CACNA2D2: variants seen among roughly 807,000 people sequenced by gnomAD.
CACNA2D2 encodes the protein voltage-dependent calcium channel subunit alpha-2/delta-2.
A neutral mutation model predicts 166.4 loss-of-function variants in CACNA2D2; 48 were observed. That is an observed-to-expected ratio of 0.29 (90% CI 0.23 to 0.37). The LOEUF is 0.37. Among genes scored for constraint, CACNA2D2 ranks in the 10% least tolerant of loss-of-function variants. The pLI is 1.00. For missense variants in CACNA2D2, 1,122 were observed against 1,433.0 expected (o/e 0.78, Z 3.50); for synonymous variants, 561 against 573.7 (o/e 0.98, Z 0.32).
chr3:50,497,028 C>T (rs1245829784), intron 1 of CACNA2D2, among the ~76,000 whole-genome samples: 1 of 152,146 alleles, frequency 6.6e-6, no homozygotes, highest in Non-Finnish European at 1.5e-5. Context: ...TTCCCATGCC[C>T]CTCCCCCTCT....
chr3:50,450,642 T>C (rs1173188869), intron 2 of CACNA2D2, among the ~76,000 whole-genome samples: 1 of 152,174 alleles, frequency 6.6e-6, no homozygotes, highest in African/African-American at 2.4e-5. Flanking sequence ...CAATCTTCTT[T>C]TATTTTTCCA....
chr3:50,368,122 C>A lies in CACNA2D2; in HGVS notation c.2143+16G>T, dbSNP rs1269352720. 3.8e-6 allele frequency: 6 copies of A among 1,584,556 alleles called. No individual in the cohort carries two copies. The highest frequency in any genetic ancestry group is 5.2e-6 in the Non-Finnish European group (6 of 1,153,404). On this transcript the variant is annotated intron_variant, in intron 24 of 37. Coordinates refer to ENST00000424201, the MANE Select transcript of CACNA2D2 (RefSeq NM_006030.4). ...CTGGGCACTGCCCAGAGCCAGCTGCCCTGCCAGGCACTCACACTGCTTGGA... is the reference window on the plus strand; with the variant it reads ...CTGGGCACTGCCCAGAGCCAGCTGCACTGCCAGGCACTCACACTGCTTGGA...
chr3:50,494,144 C>T (rs1698630913), intron 1 of CACNA2D2, among the ~76,000 whole-genome samples: 1 of 152,170 alleles, frequency 6.6e-6, no homozygotes, highest in Non-Finnish European at 1.5e-5. Context: ...ACACACCCAC[C>T]ACGGACTCAG....
At position 50,444,417 on chromosome 3, in the gene CACNA2D2, C is replaced by T. The variant is rs550083818; in HGVS notation, c.289-9988G>A. Among the ~76,000 whole-genome samples the T allele has an allele frequency of 5.3e-5, 8 of 152,344 alleles. 2 individuals are homozygous for T. The highest frequency in any genetic ancestry group is 1.9e-4 in the African/African-American group (8 of 41,582). On this transcript the variant is annotated intron_variant, in intron 2 of 37. Coordinates refer to ENST00000424201, the MANE Select transcript of CACNA2D2 (RefSeq NM_006030.4). Reference sequence around the variant, plus strand: ...CCTTAAGCAGCCTTGTGGTTTGGCTCGAGCCTTCACCCTCACAGTCTGCAC... The same window carrying T: ...CCTTAAGCAGCCTTGTGGTTTGGCTTGAGCCTTCACCCTCACAGTCTGCAC...
At chr3:50,475,635 AC>A (rs1179528266) in intron 2 of CACNA2D2, among the ~76,000 whole-genome samples, 2 of 151,858 alleles carry the variant, frequency 1.3e-5, no homozygotes, top group African/African-American at 2.4e-5. Context: ...CTAATCAATC[AC>A]CCCTCCCACA....
At chr3:50,431,362 G>GT (rs1708053553) in intron 3 of CACNA2D2, among the ~76,000 whole-genome samples, 1 of 152,202 alleles carries the variant, frequency 6.6e-6, no homozygotes, top group Admixed American at 6.5e-5. Flanking sequence ...AGCATCTCGT[G>GT]TGTCTACAGC....
rs778207640 is a variant in CACNA2D2, at chr3:50,387,577, G to A, written c.501C>T (p.Asp167=). 3.9e-5 allele frequency: 63 copies of A among 1,613,750 alleles called. No homozygotes were observed. The highest frequency in any genetic ancestry group is 8.8e-5 in the South Asian group (8 of 91,080). Reference sequence around the variant, plus strand: ...AGGAGGGGGTGCTCACCAGCTCAGCGTCAGCCTTGGCGTCATAGTACACGA... The same window carrying A: ...AGGAGGGGGTGCTCACCAGCTCAGCATCAGCCTTGGCGTCATAGTACACGA... ...EDIVYYDAKA[D]AELDDPESED... is the part of the protein sequence containing the mutation. The change falls in exon 5 of 38, where the codon GAC becomes GAT. Residue 167 remains aspartate, a synonymous_variant. Transcript: ENST00000424201.
At chr3:50,377,245 G>A (rs587712532) in intron 17 of CACNA2D2, among the ~76,000 whole-genome samples, 1 of 152,154 alleles carries the variant, frequency 6.6e-6, no homozygotes, top group Non-Finnish European at 1.5e-5. Context: ...TGGGTATGTA[G>A]GTCTGCAAAG....
At chr3:50,416,098 T>C (rs1707252240) in intron 3 of CACNA2D2, 1 of 152,290 alleles carries the variant, frequency 6.6e-6, no homozygotes, top group Non-Finnish European at 1.5e-5. Flanking sequence ...CCAGATTTTC[T>C]TGAGGTCATG....
At chr3:50,470,218 G>A (rs1021709484) in intron 2 of CACNA2D2, among the ~76,000 whole-genome samples, 3 of 152,234 alleles carry the variant, frequency 2.0e-5, no homozygotes, top group African/African-American at 7.2e-5. Context: ...TGTCTAGGCT[G>A]TTCTGATACA....
chr3:50,384,436 G>A, intron 5 of CACNA2D2, 99 bp from the exon 6 acceptor site: 1 of 1,333,036 alleles, frequency 7.5e-7, no homozygotes, highest in Middle Eastern at 2.3e-4. Flanking sequence ...GAGTCCAGGA[G>A]ATAGGGGCAT....
intron 3 of CACNA2D2, among the ~76,000 whole-genome samples, 161 bp downstream of exon 3, chr3:50,434,152 A>T (rs1000697337): frequency 2.6e-5 from 4 of 152,148 alleles, no homozygotes; most frequent in Non-Finnish European, 1.5e-5. Context: ...TTCCTGCCGC[A>T]GCTGCCCACA....
intron 2 of CACNA2D2, among the ~76,000 whole-genome samples, chr3:50,445,722 C>G (rs767309750): frequency 1.3e-5 from 2 of 152,198 alleles, no homozygotes; most frequent in Non-Finnish European, 2.9e-5. Flanking sequence ...CAAGGGAACT[C>G]AGCTTCTCCC....
At chr3:50,416,955 TGTGC>T (rs1345217042) in intron 3 of CACNA2D2, among the ~76,000 whole-genome samples, 3 of 152,182 alleles carry the variant, frequency 2.0e-5, no homozygotes, top group Admixed American at 2.0e-4. Context: ...TTCACGTGTG[TGTGC>T]ATGTCCACTG....
At position 50,367,244 on chromosome 3, in the gene CACNA2D2, G is replaced by T; in HGVS notation, c.2402-135C>A. ...CACCCAGCACTCAGGACAGTGTTTGGCACAGTCTATCCCTCTTTTCACGTC... is the reference window on the plus strand; with the variant it reads ...CACCCAGCACTCAGGACAGTGTTTGTCACAGTCTATCCCTCTTTTCACGTC... On this transcript the variant is annotated intron_variant, in intron 27 of 37. Coordinates refer to ENST00000424201, the MANE Select transcript of CACNA2D2 (RefSeq NM_006030.4). This position sits in a 1 kb window ranked among gnomAD's most constrained non-coding sequence, Gnocchi z 6.5. The T allele has an allele frequency of 1.0e-6, 1 of 984,004 alleles. No homozygotes were observed. Among genetic ancestry groups the T allele is most frequent in the Non-Finnish European group, 1.6e-6 (1 of 635,852 alleles). The allele number at this position is 984,004 out of a possible 1,614,324, so 61.0% of individuals were successfully genotyped here.
chr3:50,408,741 G>A (rs1706843365), intron 3 of CACNA2D2, among the ~76,000 whole-genome samples: 1 of 152,106 alleles, frequency 6.6e-6, no homozygotes. Context: ...AGGCGGCCTT[G>A]CTCCTGCCTG....
In CACNA2D2 at chr3:50,365,200, A is replaced by G; in HGVS notation, c.3099-16T>C. On this transcript the variant is annotated splice_polypyrimidine_tract_variant and intron_variant, in intron 35 of 37. Coordinates refer to ENST00000424201, the MANE Select transcript of CACNA2D2 (RefSeq NM_006030.4). This position sits in a 1 kb window ranked among gnomAD's most constrained non-coding sequence, Gnocchi z 4.5. ...GTGGAACAGCCTGCGGGCAGCCCGG[A>G]AAGGCGGGGCGTTGAGTTTGCCCCG... 1.9e-6 allele frequency: 3 copies of G among 1,611,158 alleles called. No homozygotes were observed. The highest frequency in any genetic ancestry group is 2.5e-6 in the Non-Finnish European group (3 of 1,179,212).
intron 3 of CACNA2D2, among the ~76,000 whole-genome samples, chr3:50,412,024 A>G (rs1707043684): frequency 6.6e-6 from 1 of 152,124 alleles, no homozygotes; most frequent in African/African-American, 2.4e-5. Flanking sequence ...TGGTTAGAAC[A>G]CAAAACACTG....
chr3:50,418,031 C>T (rs1465267131), intron 3 of CACNA2D2, among the ~76,000 whole-genome samples: 4 of 152,020 alleles, frequency 2.6e-5, no homozygotes, highest in African/African-American at 7.3e-5. Flanking sequence ...TAATGGGCCC[C>T]GCGAAGGGGC....
Sources: allele counts gnomAD v4.1 joint callset (sites outside exome capture counted in the v4.1 genomes callset), GRCh38; gene constraint gnomAD v4.1.1; non-coding constraint Gnocchi (gnomAD v3.1); transcripts MANE v1.5; gene names NCBI Gene and HGNC (gene_info 2026-07-23, HGNC 2026-07-21).